The following UBE4B variants were observed in gnomAD, a reference collection of about 807,000 sequenced individuals.
UBE4B encodes the protein ubiquitination factor E4B, also known as ubiquitin conjugation factor E4 B.
UBE4B carries 27 observed loss-of-function variants against 148.1 expected under a neutral mutation model. That is an observed-to-expected ratio of 0.18 (90% confidence interval 0.13 to 0.25). UBE4B has a LOEUF of 0.25. UBE4B is among the 10% of genes least tolerant of loss of function. UBE4B has a pLI of 1.00. For missense variants in UBE4B, 1,170 were observed against 1,662.4 expected (o/e 0.70, Z 5.15); for synonymous variants, 596 against 619.3 (o/e 0.96, Z 0.56).
chr1:10,118,729 C>G (rs534490606), intron 8 of UBE4B, among the ~76,000 whole-genome samples: 1 of 151,862 alleles, frequency 6.6e-6, no homozygotes. Context: ...GTCTCTAACT[C>G]CCGACCTCAT....
At chr1:10,131,813 C>T (rs1035146944) in intron 14 of UBE4B, among the ~76,000 whole-genome samples, 13 of 152,118 alleles carry the variant, frequency 8.5e-5, no homozygotes, top group Admixed American at 2.0e-4. Context: ...ATTAGCTGGG[C>T]ATGGTGGCGG....
intron 7 of UBE4B, among the ~76,000 whole-genome samples, chr1:10,110,194 C>T (rs989884346): frequency 5.3e-5 from 8 of 152,034 alleles, no homozygotes; most frequent in African/African-American, 1.9e-4. Context: ...CCAGTGGATT[C>T]GATGTCTTAT....
chr1:10,117,695 A>G, intron 8 of UBE4B, 95 bp downstream of exon 8: 1 of 1,401,700 alleles, frequency 7.1e-7, no homozygotes, highest in Admixed American at 3.0e-5. Context: ...TTCAATCAGT[A>G]AAGCAATTAT....
chr1:10,091,417 A>G (rs1182000551), intron 2 of UBE4B, among the ~76,000 whole-genome samples: 1 of 152,036 alleles, frequency 6.6e-6, no homozygotes, highest in Non-Finnish European at 1.5e-5. Flanking sequence ...AAAATCAAAG[A>G]CACCATCAGG....
chr1:10,144,100 T>C (rs1557592758), intron 17 of UBE4B, among the ~76,000 whole-genome samples: 1 of 152,148 alleles, frequency 6.6e-6, no homozygotes, highest in Non-Finnish European at 1.5e-5. Context: ...CTTCAAAATA[T>C]GCAGCCTATT....
rs772841228 is a variant in UBE4B, at chr1:10,106,577, C to T, written c.1190C>T (p.Ser397Phe). ...TSRRPSSLRI[S>F]PSLGASGGAS... ...AGACGCCCCTCCTCCCTGAGGATCT[C>T]TCCTAGGTATTTATCCCACAGGAGA... Residue 397 changes from serine (S) to phenylalanine (F), a missense_variant, in exon 7 of 28, where the codon TCT becomes TTT. Ser to Phe is a radical substitution (Grantham distance 155). Transcript: ENST00000343090. The surrounding 1 kb of genome is among the most constrained non-coding windows in gnomAD (Gnocchi z 4.2). 7.1e-6 allele frequency: 11 copies of T among 1,554,382 alleles called. No homozygotes were observed. The East Asian group carries it at 2.5e-4, about 35-fold the overall frequency.
At chr1:10,086,949 G>C (rs1394274186) in intron 2 of UBE4B, among the ~76,000 whole-genome samples, 1 of 152,136 alleles carries the variant, frequency 6.6e-6, no homozygotes, top group Non-Finnish European at 1.5e-5. Flanking sequence ...TGGGATTATA[G>C]GCTTGAGCCA....
intron 2 of UBE4B, among the ~76,000 whole-genome samples, chr1:10,077,782 A>G (rs1644608669): frequency 6.6e-6 from 1 of 152,164 alleles, no homozygotes; most frequent in South Asian, 2.1e-4. Flanking sequence ...CTAAAATTAG[A>G]AAAAAAGTTA....
chr1:10,076,741 CTTTT>C (rs61563451), intron 2 of UBE4B, among the ~76,000 whole-genome samples: 1 of 105,864 alleles, frequency 9.4e-6, no homozygotes. Context: ...CAGTCCCAGC[CTTTT>C]TTTTTTTTTT....
chr1:10,090,309 G>A (rs1015370382), intron 2 of UBE4B, among the ~76,000 whole-genome samples: 1 of 151,918 alleles, frequency 6.6e-6, no homozygotes, highest in South Asian at 2.1e-4. Flanking sequence ...TCATAGAGAC[G>A]GGGTCTCCCT....
intron 7 of UBE4B, among the ~76,000 whole-genome samples, chr1:10,110,552 G>A (rs1244129903): frequency 6.6e-6 from 1 of 151,736 alleles, no homozygotes; most frequent in East Asian, 1.9e-4. Context: ...GCTGGAAGTT[G>A]ATCTGAAAAA....
At chr1:10,152,514 G>A (rs919747878) in intron 21 of UBE4B, among the ~76,000 whole-genome samples, 4 of 150,738 alleles carry the variant, frequency 2.7e-5, no homozygotes, top group African/African-American at 9.8e-5. Flanking sequence ...TGCTTTTATC[G>A]GGGCCAGGTG....
At chr1:10,167,236 T>G (rs1372697282) in intron 23 of UBE4B, among the ~76,000 whole-genome samples, 1 of 151,834 alleles carries the variant, frequency 6.6e-6, no homozygotes, top group African/African-American at 2.4e-5. Context: ...CGTCAGGAGT[T>G]CGAGACCAGC....
chr1:10,155,084 AGTGTGTGTGT>A lies in UBE4B; in HGVS notation c.2927-3255_2927-3246del, dbSNP rs144718535. Among the ~76,000 whole-genome samples the A allele has an allele frequency of 1.4e-4, 21 of 146,296 alleles. No individual in the cohort carries two copies. The East Asian group carries it at 3.0e-3, about 21-fold the overall frequency. The stretch of plus-strand genomic sequence containing the variant: ...CTTCAGGAGAGAGAGAGAGAGAGAG[AGTGTGTGTGT>A]GTGTGTGTGTGTGTGTTTGTGTATT... On this transcript the variant is annotated intron_variant, in intron 21 of 27. Transcript: ENST00000343090.
At position 10,160,053 on chromosome 1, in the gene UBE4B, C is replaced by T. The variant is rs566737826; in HGVS notation, c.3054-1089C>T. ...CTTCTCCAGCATGGGCTTACCACCC[C>T]GTAGTTGCACAGTTGTAGACCCTGA... On this transcript the variant is annotated intron_variant, in intron 22 of 27. Transcript: ENST00000343090. 9.8e-5 allele frequency among the ~76,000 whole-genome samples: 15 copies of T among 152,300 alleles called. No individual in the cohort carries two copies. In the East Asian group the frequency reaches 1.2e-3, roughly 12 times the overall value.
At position 10,119,655 on chromosome 1, in the gene UBE4B, G is replaced by A. The variant is rs769265204; in HGVS notation, c.1439+42G>A. On this transcript the variant is annotated intron_variant, in intron 9 of 27. Transcript: ENST00000343090. Reference sequence around the variant, plus strand: ...CGTGCTTGACATTAGCAGGCAGAGAGCCCTAGCCGTCAGTGGACATCAGGC... The same window carrying A: ...CGTGCTTGACATTAGCAGGCAGAGAACCCTAGCCGTCAGTGGACATCAGGC... The A allele has an allele frequency of 5.1e-6, 8 of 1,580,174 alleles. No individual in the cohort carries two copies. The East Asian group carries it at 9.0e-5, about 18-fold the overall frequency.
At chr1:10,059,640 T>A (rs1217010181) in intron 1 of UBE4B, 1 of 173,772 alleles carries the variant, frequency 5.8e-6, no homozygotes, top group African/African-American at 2.4e-5. Context: ...CGTGGCTGCT[T>A]AGGGCAAGGC....
intron 1 of UBE4B, among the ~76,000 whole-genome samples, chr1:10,060,551 CG>C (rs1465649524): frequency 6.6e-6 from 1 of 152,134 alleles, no homozygotes; most frequent in African/African-American, 2.4e-5. Context: ...CCAGAAGGTT[CG>C]GATGAGTCCT....
chr1:10,047,744 G>A (rs1020587744), intron 1 of UBE4B, among the ~76,000 whole-genome samples: 2 of 151,952 alleles, frequency 1.3e-5, no homozygotes, highest in South Asian at 2.1e-4. Flanking sequence ...CACCCGCCTC[G>A]GCCTCCCAGA....
Sources: gnomAD v4.1 joint callset for allele counts (sites outside exome capture counted in the v4.1 genomes callset) on GRCh38, gnomAD v4.1.1 for gene constraint, Gnocchi (gnomAD v3.1) non-coding constraint, MANE v1.5 for transcripts, NCBI Gene and HGNC (gene_info 2026-07-23, HGNC 2026-07-21) for gene names.